Variants in PXMP2 observed in about 807,000 individuals in gnomAD.
PXMP2 encodes peroxisomal membrane protein 2.
Under a neutral mutation model 20.2 loss-of-function variants are expected in PXMP2, and 13 were observed. The ratio of observed to expected loss-of-function variants is 0.64; its 90% confidence interval spans 0.42 to 1.02. The LOEUF (loss-of-function observed/expected upper bound fraction) is 1.02. Ranked by LOEUF, PXMP2 falls within the 50% of genes least tolerant of loss-of-function variation. The pLI is 0.00. For missense variants in PXMP2, 284 were observed against 251.8 expected (o/e 1.13, Z -0.87); for synonymous variants, 113 against 111.2 (o/e 1.02, Z -0.10).
chr12:132,699,493 C>A (rs2043426879), intron 3 of PXMP2, among the ~76,000 whole-genome samples: 1 of 151,302 alleles, frequency 6.6e-6, no homozygotes, highest in Admixed American at 6.6e-5. Context: ...GATAATGGCC[C>A]CCGGTTCAAT....
At chr12:132,704,549 G>A in intron 4 of PXMP2, 70 bp from the exon 5 acceptor site, 1 of 1,225,898 alleles carries the variant, frequency 8.2e-7, no homozygotes, top group Middle Eastern at 2.6e-4. Flanking sequence ...AATGAACTGG[G>A]TGACTGAGGC....
rs1254579882 is a variant in PXMP2, at chr12:132,692,968, C to T, written c.236+2592C>T. On this transcript the variant is annotated intron_variant, in intron 2 of 4. Coordinates refer to ENST00000317479, the MANE Select transcript of PXMP2 (RefSeq NM_018663.3). The stretch of plus-strand genomic sequence containing the variant: ...CCTTGCCAGTTAGTTAGTGAGCTCC[C>T]TTAGCCAGTTAGTGAGCTCCCTTGC... Among the ~76,000 whole-genome samples the T allele has an allele frequency of 5.5e-5, 5 of 91,122 alleles. No homozygotes were observed. In the South Asian group the frequency reaches 1.6e-3, roughly 29 times the overall value. The allele number at this position is 91,122 out of a possible 152,430, so 59.8% of individuals were successfully genotyped here.
intron 3 of PXMP2, 83 bp from the exon 4 acceptor site, chr12:132,701,167 C>A (rs957242170): frequency 4.0e-5 from 63 of 1,566,822 alleles, no homozygotes; most frequent in Non-Finnish European, 5.5e-5. Context: ...AGTTTAAAAA[C>A]CATCACGATA....
chr12:132,691,673 C>T (rs2043367513), intron 2 of PXMP2, among the ~76,000 whole-genome samples: 1 of 152,202 alleles, frequency 6.6e-6, no homozygotes, highest in Admixed American at 6.5e-5. Context: ...CAGGCCTCAT[C>T]CAAGTACAGT....
chr12:132,702,909 C>G (rs57312103), intron 4 of PXMP2, among the ~76,000 whole-genome samples: 11,690 of 152,226 alleles, frequency 0.077, 593 homozygotes, highest in Non-Finnish European at 0.11. Context: ...ACTGCACACA[C>G]CACAAACACA....
rs570464942 is a variant in PXMP2 at position 132,693,781 on chromosome 12, G to T, written c.237-2103G>T. ...AGCCAGTTAGTTAGTGAGCGCCCTT[G>T]CCAGTTAGTTAGTTAGCTCCCTTAG... is the stretch of plus-strand genomic sequence containing the variant. On this transcript the variant is annotated intron_variant, in intron 2 of 4. Transcript: ENST00000317479. Among the ~76,000 whole-genome samples the T allele has an allele frequency of 4.6e-5, 4 of 87,126 alleles. 1 individual carries two copies. The highest frequency in any genetic ancestry group is 1.5e-4 in the African/African-American group (4 of 27,232). The allele number at this position is 87,126 out of a possible 152,430, so 57.2% of individuals were successfully genotyped here.
At chr12:132,697,774 A>C (rs2043418421) in intron 3 of PXMP2, among the ~76,000 whole-genome samples, 1 of 151,416 alleles carries the variant, frequency 6.6e-6, no homozygotes, top group Non-Finnish European at 1.5e-5. Flanking sequence ...ACTGCCAAAG[A>C]GATCTGTGGC....
rs1348625003 is a variant in PXMP2 at position 132,695,891 on chromosome 12, T to A, written c.244T>A (p.Phe82Ile). Reference sequence around the variant, plus strand: ...ACCCCCTGGGGGCCTCAGGTTCTTCTTCACAGGGCCGCTGAGTCACTTCTT... The same window carrying A: ...ACCCCCTGGGGGCCTCAGGTTCTTCATCACAGGGCCGCTGAGTCACTTCTT... ...PLRYAVYGFF[F>I]TGPLSHFFYF... Residue 82 changes from phenylalanine to isoleucine, a missense_variant, in exon 3 of 5, where the codon TTC (phenylalanine) becomes ATC (isoleucine). Physicochemically the swap from Phe to Ile is conservative, Grantham distance 21 (BLOSUM62 0). Coordinates refer to ENST00000317479, the MANE Select transcript of PXMP2 (RefSeq NM_018663.3). 6.2e-7 allele frequency: 1 copy of A among 1,604,270 alleles called. No individual in the cohort carries two copies. The highest frequency in any genetic ancestry group is 8.5e-7 in the Non-Finnish European group (1 of 1,174,808).
At chr12:132,701,522 T>G (rs2043441908) in intron 4 of PXMP2, 153 bp downstream of exon 4, 2 of 1,070,248 alleles carry the variant, frequency 1.9e-6, no homozygotes, top group African/African-American at 1.6e-5. Flanking sequence ...TTCATCCGTG[T>G]CTAGACTCCT....
rs34659814 is a variant in PXMP2, at chr12:132,690,578, C to CT, written c.236+211dup. Reference sequence around the variant, plus strand: ...GCATACGTGGTTTTTTTTGTTTTTTCTTTTTTTTTGGAGACAGAGTCTCAC... The same window carrying CT: ...GCATACGTGGTTTTTTTTGTTTTTTCTTTTTTTTTTGGAGACAGAGTCTCAC... On this transcript the variant is annotated intron_variant, in intron 2 of 4. Coordinates refer to ENST00000317479, the MANE Select transcript of PXMP2 (RefSeq NM_018663.3). Among the ~76,000 whole-genome samples the CT allele has an allele frequency of 7.3e-5, 11 of 151,276 alleles. No homozygotes were observed. The South Asian group carries it at 1.9e-3, about 26-fold the overall frequency.
At chr12:132,704,303 GGAGT>G (rs2043458550) in intron 4 of PXMP2, among the ~76,000 whole-genome samples, 1 of 152,128 alleles carries the variant, frequency 6.6e-6, no homozygotes, top group African/African-American at 2.4e-5. Flanking sequence ...GGCTGGTCCT[GGAGT>G]GAGAGAGGCT....
intron 3 of PXMP2, among the ~76,000 whole-genome samples, chr12:132,698,442 C>T (rs1224769221): frequency 6.6e-6 from 1 of 152,204 alleles, no homozygotes; most frequent in Non-Finnish European, 1.5e-5. Context: ...TAGAAATATT[C>T]TCCTCTGCTT....
chr12:132,690,615 G>T (rs150755242), intron 2 of PXMP2, among the ~76,000 whole-genome samples: 1 of 152,010 alleles, frequency 6.6e-6, no homozygotes, highest in Non-Finnish European at 1.5e-5. Context: ...CTGTCACCCA[G>T]GCTTACTGCA....
At chr12:132,689,922 A>G (rs1199616832) in intron 1 of PXMP2, among the ~76,000 whole-genome samples, 1 of 152,154 alleles carries the variant, frequency 6.6e-6, no homozygotes, top group Non-Finnish European at 1.5e-5. Flanking sequence ...TCTTGTGTTC[A>G]CTACCACAGT....
In PXMP2 at chr12:132,687,598, G is replaced by A. The variant is rs975412258; in HGVS notation, c.-73G>A. On this transcript the variant is annotated 5_prime_UTR_variant, in exon 1 of 5. Coordinates refer to ENST00000317479, the MANE Select transcript of PXMP2 (RefSeq NM_018663.3). ...GTCAGGCGGTCCCCACTCCGCTCTCGGCGCCTCGGGCTCCGCGCCCGGCCA... is the reference window on the plus strand; with the variant it reads ...GTCAGGCGGTCCCCACTCCGCTCTCAGCGCCTCGGGCTCCGCGCCCGGCCA... The A allele has an allele frequency of 5.1e-6, 6 of 1,166,182 alleles. No individual in the cohort carries two copies. The highest frequency in any genetic ancestry group is 4.3e-5 in the South Asian group (1 of 23,284). 72.2% of individuals were successfully genotyped at this position (1,166,182 alleles called of 1,614,324 possible).
rs975412258 is a variant in PXMP2 at position 132,687,598 on chromosome 12, G to T, written c.-73G>T. On this transcript the variant is annotated 5_prime_UTR_variant, in exon 1 of 5. Coordinates refer to ENST00000317479, the MANE Select transcript of PXMP2 (RefSeq NM_018663.3). ...GTCAGGCGGTCCCCACTCCGCTCTC[G>T]GCGCCTCGGGCTCCGCGCCCGGCCA... The T allele has an allele frequency of 1.6e-5, 19 of 1,166,180 alleles. No individual in the cohort carries two copies. The highest frequency in any genetic ancestry group is 4.8e-5 in the African/African-American group (3 of 62,424). The allele number at this position is 1,166,180 out of a possible 1,614,324, so 72.2% of individuals were successfully genotyped here. A position where few individuals can be genotyped will look rare whatever the true frequency, so the allele number is the denominator to read the frequency against.
chr12:132,692,909 T>TAGTGAGCTCCCTTAGTC (rs2043380385), intron 2 of PXMP2, among the ~76,000 whole-genome samples: 2 of 92,192 alleles, frequency 2.2e-5, no homozygotes, highest in Non-Finnish European at 4.8e-5. Flanking sequence ...CTTAGTCAGT[T>TAGTGAGCTCCCTTAGTC]AGTTAGTGAG....
At position 132,701,452 on chromosome 12, in the gene PXMP2, C is replaced by CT. The variant is rs58966979; in HGVS notation, c.519+84dup. ...TCCTTCCTTCCTCTTTCCTCCCCCCCTCCCTCCCCTCTTCTTTTCTCTTCT... is the reference window on the plus strand; with the variant it reads ...TCCTTCCTTCCTCTTTCCTCCCCCCCTTCCCTCCCCTCTTCTTTTCTCTTCT... On this transcript the variant is annotated intron_variant, in intron 4 of 4. Transcript: ENST00000317479. The CT allele has an allele frequency of 7.4e-3, 11,188 of 1,502,766 alleles. 204 individuals are homozygous for CT. The highest frequency in any genetic ancestry group is 0.067 in the East Asian group (2,884 of 43,006). The allele number at this position is 1,502,766 out of a possible 1,614,324, so 93.1% of individuals were successfully genotyped here. A position where few individuals can be genotyped will look rare whatever the true frequency, so the allele number is the denominator to read the frequency against.
intron 4 of PXMP2, 68 bp downstream of exon 4, chr12:132,701,437 C>T: frequency 6.4e-7 from 1 of 1,566,448 alleles, no homozygotes. Context: ...TCCTTCCTTC[C>T]TCTTTCCTCC....
Sources: gnomAD v4.1 joint callset for allele counts (sites outside exome capture counted in the v4.1 genomes callset) on GRCh38, gnomAD v4.1.1 for gene constraint, MANE v1.5 for transcripts, NCBI Gene and HGNC (gene_info 2026-07-23, HGNC 2026-07-21) for gene names.